Variants in CEP128 observed in about 807,000 individuals in gnomAD.
CEP128 encodes centrosomal protein 128.
In CEP128, 132 loss-of-function variants were observed where a neutral mutation model predicts 156.7. The ratio of observed to expected loss-of-function variants is 0.84; its 90% CI spans 0.73 to 0.97. The LOEUF is 0.97. CEP128 is among the 50% of genes least tolerant of loss of function. The pLI is 0.00. For missense variants in CEP128, 1,252 were observed against 1,281.9 expected (o/e 0.98, Z 0.36); for synonymous variants, 469 against 448.9 (o/e 1.04, Z -0.57).
intron 13 of CEP128, chr14:80,822,765 A>C: frequency 1.3e-6 from 1 of 771,906 alleles, no homozygotes; most frequent in Non-Finnish European, 2.4e-6. Context: ...GACCAGGCAC[A>C]TAAAACTGAA....
At chr14:80,765,465 GA>G (rs1900192790) in intron 16 of CEP128, among the ~76,000 whole-genome samples, 1 of 152,180 alleles carries the variant, frequency 6.6e-6, no homozygotes, top group Admixed American at 6.5e-5. Context: ...AGTCAATTCA[GA>G]GGGGGCAATA....
intron 19 of CEP128, among the ~76,000 whole-genome samples, chr14:80,634,166 T>G (rs188790712): frequency 2.8e-4 from 43 of 152,280 alleles, no homozygotes; most frequent in African/African-American, 8.2e-4. Flanking sequence ...AGGCAAGTCA[T>G]GATTAATTGG....
chr14:80,497,888 T>TG (rs1887565712), intron 24 of CEP128, among the ~76,000 whole-genome samples: 2 of 152,330 alleles, frequency 1.3e-5, no homozygotes. Context: ...CACACACACT[T>TG]GCACACTCGC....
chr14:80,542,776 T>C (rs1889821477), intron 21 of CEP128, among the ~76,000 whole-genome samples: 1 of 152,164 alleles, frequency 6.6e-6, no homozygotes, highest in Admixed American at 6.5e-5. Flanking sequence ...GGTAATCACA[T>C]TTGTCTCTTC....
intron 19 of CEP128, among the ~76,000 whole-genome samples, chr14:80,630,014 A>C (rs1313715806): frequency 6.6e-6 from 1 of 151,918 alleles, no homozygotes. Context: ...TCTAACATAA[A>C]ATTTTAGGAT....
At chr14:80,775,765 T>C (rs970226662) in intron 16 of CEP128, among the ~76,000 whole-genome samples, 1 of 152,290 alleles carries the variant, frequency 6.6e-6, no homozygotes, top group African/African-American at 2.4e-5. Flanking sequence ...GCTCCACTTA[T>C]ATGAATGCGT....
chr14:80,703,958 AAAGAG>A (rs1897155531), intron 19 of CEP128, among the ~76,000 whole-genome samples: 1 of 152,134 alleles, frequency 6.6e-6, no homozygotes, highest in African/African-American at 2.4e-5. Context: ...CTTTAAAATA[AAAGAG>A]AAGCAAAGAA....
chr14:80,942,168 C>A, upstream of CEP128: 1 of 152,296 alleles, frequency 6.6e-6, no homozygotes. Flanking sequence ...TAAAAATCCC[C>A]TTAATACCAG....
intron 9 of CEP128, among the ~76,000 whole-genome samples, chr14:80,852,299 G>A (rs796655419): frequency 6.6e-5 from 10 of 151,606 alleles, no homozygotes; most frequent in African/African-American, 2.2e-4. Flanking sequence ...AATACCAAAA[G>A]ACATTCCTAA....
chr14:80,860,414 G>A (rs984520259), intron 9 of CEP128, among the ~76,000 whole-genome samples: 9 of 152,110 alleles, frequency 5.9e-5, no homozygotes, highest in Non-Finnish European at 1.3e-4. Flanking sequence ...GAAATACCCA[G>A]GCTCTGGTAT....
chr14:80,846,689 A>G (rs918059002), intron 9 of CEP128, among the ~76,000 whole-genome samples: 2 of 152,318 alleles, frequency 1.3e-5, no homozygotes, highest in South Asian at 2.1e-4. Context: ...AATAGCCTTT[A>G]GTATTATTTT....
intron 19 of CEP128, among the ~76,000 whole-genome samples, chr14:80,604,554 C>T (rs957517603): frequency 7.2e-5 from 11 of 152,132 alleles, no homozygotes; most frequent in Admixed American, 7.2e-4. Context: ...CTGACCTTCA[C>T]TACATAGACA....
At chr14:80,838,786 C>T (rs564830862) in intron 10 of CEP128, among the ~76,000 whole-genome samples, 3 of 152,204 alleles carry the variant, frequency 2.0e-5, no homozygotes, top group African/African-American at 2.4e-5. Context: ...ATTTATAAGA[C>T]ATTCCTTAAA....
chr14:80,687,490 C>G (rs1896568563), intron 19 of CEP128, among the ~76,000 whole-genome samples: 1 of 152,008 alleles, frequency 6.6e-6, no homozygotes, highest in Non-Finnish European at 1.5e-5. Context: ...TAACAGAAAA[C>G]CAAATACCTC....
At chr14:80,845,148 T>G (rs373086936) in intron 9 of CEP128, among the ~76,000 whole-genome samples, 98 of 152,318 alleles carry the variant, frequency 6.4e-4, no homozygotes, top group African/African-American at 2.3e-3. Flanking sequence ...CAGGATTTCA[T>G]TCTTCAAATG....
intron 19 of CEP128, among the ~76,000 whole-genome samples, chr14:80,647,698 T>C (rs1485284154): frequency 6.6e-6 from 1 of 152,096 alleles, no homozygotes; most frequent in Non-Finnish European, 1.5e-5. Context: ...CGACCAGGCA[T>C]GTGGCTAAAT....
intron 21 of CEP128, among the ~76,000 whole-genome samples, chr14:80,531,639 A>T (rs1889230310): frequency 6.6e-6 from 1 of 152,224 alleles, no homozygotes; most frequent in Non-Finnish European, 1.5e-5. Context: ...TGCCAGACAT[A>T]TTAGGTGGGT....
Position 80,793,095 on chromosome 14 carries a change from G to A in CEP128, c.1225C>T (p.Leu409=). ...AGTTGCTGTTTTTCCCCATTCTCCA[G>A]TTCACGTGTTAAATTCTACGAATAA... ...ASQVENLTRE[L]ENGEKQQLQM... is the part of the protein sequence containing the mutation. Residue 409 remains leucine (L), a synonymous_variant, in exon 14 of 25, where the codon CTG becomes TTG. Coordinates refer to ENST00000555265, the MANE Select transcript of CEP128 (RefSeq NM_152446.5). The A allele has an allele frequency of 6.2e-7, 1 of 1,610,324 alleles. No homozygotes were observed.
rs922261771 is a variant in CEP128 at position 80,836,388 on chromosome 14, C to T, written c.925-51G>A. The T allele has an allele frequency of 2.5e-6, 4 of 1,608,034 alleles. No homozygotes were observed. In the East Asian group the frequency reaches 6.7e-5, roughly 27 times the overall value. The stretch of plus-strand genomic sequence containing the variant: ...TCGGTTTTCACAATCAGAGAAAGAC[C>T]TACTTCAAATGGGCTATTGTAAACA... On this transcript the variant is annotated intron_variant, in intron 11 of 24. Coordinates refer to ENST00000555265, the MANE Select transcript of CEP128 (RefSeq NM_152446.5).
Sources: allele counts gnomAD v4.1 joint callset (sites outside exome capture counted in the v4.1 genomes callset), GRCh38; gene constraint gnomAD v4.1.1; transcripts MANE v1.5; gene names NCBI Gene and HGNC (gene_info 2026-07-23, HGNC 2026-07-21).